KCNC2: variants seen among roughly 807,000 people sequenced by gnomAD.
KCNC2 encodes the protein potassium voltage-gated channel subfamily C member 2.
KCNC2 carries 21 observed loss-of-function variants against 44.5 expected under a neutral mutation model. That is an observed-to-expected ratio of 0.47 (90% CI 0.33 to 0.68). The LOEUF (loss-of-function observed/expected upper bound fraction) is 0.68, where lower values mean the gene tolerates loss of function less well. KCNC2 is among the 30% of genes least tolerant of loss of function. The pLI is 0.01. For synonymous variants in KCNC2, 391 were observed against 339.1 expected (o/e 1.15, Z -1.68); for missense variants, 589 against 826.2 (o/e 0.71, Z 3.52).
intron 3 of KCNC2, 36 bp from the exon 4 acceptor site, chr12:75,048,353 T>C (rs202029213): frequency 3.2e-6 from 5 of 1,569,228 alleles, no homozygotes; most frequent in Non-Finnish European, 4.3e-6. Context: ...CAGACAGTGA[T>C]GAATGAGGAA....
chr12:75,083,538 C>G (rs1884693607), intron 2 of KCNC2, among the ~76,000 whole-genome samples: 1 of 151,862 alleles, frequency 6.6e-6, no homozygotes, highest in Non-Finnish European at 1.5e-5. Context: ...GGCGTCAATC[C>G]TTAAAATGTT....
At chr12:75,180,377 ATG>A (rs1892495886) in intron 2 of KCNC2, among the ~76,000 whole-genome samples, 1 of 151,772 alleles carries the variant, frequency 6.6e-6, no homozygotes, top group Non-Finnish European at 1.5e-5. Context: ...TGTAAAAAGT[ATG>A]TCTTTTTATC....
chr12:75,050,154 A>T (rs1277900246), intron 3 of KCNC2, among the ~76,000 whole-genome samples: 1 of 151,892 alleles, frequency 6.6e-6, no homozygotes, highest in Non-Finnish European at 1.5e-5. Context: ...AGCAAAGGGC[A>T]TTCCCACTAA....
intron 2 of KCNC2, among the ~76,000 whole-genome samples, chr12:75,136,289 G>T (rs1369809462): frequency 6.6e-6 from 1 of 151,538 alleles, no homozygotes; most frequent in Non-Finnish European, 1.5e-5. Context: ...CTAGAAAAAC[G>T]AGAACAACCT....
chr12:75,088,150 T>C (rs1885179240), intron 2 of KCNC2, among the ~76,000 whole-genome samples: 1 of 152,040 alleles, frequency 6.6e-6, no homozygotes, highest in African/African-American at 2.4e-5. Context: ...TATTTTAGGG[T>C]AATTAGAAGG....
At chr12:75,106,456 A>C (rs1886790973) in intron 2 of KCNC2, among the ~76,000 whole-genome samples, 1 of 152,204 alleles carries the variant, frequency 6.6e-6, no homozygotes, top group African/African-American at 2.4e-5. Context: ...AGAGGGAATG[A>C]ATAACTGCTG....
chr12:75,158,250 A>G (rs1260163230), intron 2 of KCNC2, among the ~76,000 whole-genome samples: 1 of 151,970 alleles, frequency 6.6e-6, no homozygotes, highest in Non-Finnish European at 1.5e-5. Context: ...CATAAGCCAA[A>G]AAATGTTGTT....
chr12:75,142,437 G>T (rs1216302638), intron 2 of KCNC2, among the ~76,000 whole-genome samples: 1 of 152,180 alleles, frequency 6.6e-6, no homozygotes, highest in Non-Finnish European at 1.5e-5. Context: ...GCCCTCTTGA[G>T]TAAGTGGTGT....
At chr12:75,063,998 A>AT (rs1882585992) in intron 2 of KCNC2, among the ~76,000 whole-genome samples, 1 of 152,084 alleles carries the variant, frequency 6.6e-6, no homozygotes, top group South Asian at 2.1e-4. Context: ...AAATCAGGTA[A>AT]TTTTCCCTTT....
At chr12:75,146,254 T>A (rs1303923000) in intron 2 of KCNC2, among the ~76,000 whole-genome samples, 1 of 152,164 alleles carries the variant, frequency 6.6e-6, no homozygotes, top group East Asian at 1.9e-4. Context: ...CTGACTTTTA[T>A]TTTTCATCAG....
At chr12:75,139,505 T>C (rs1889487548) in intron 2 of KCNC2, among the ~76,000 whole-genome samples, 1 of 152,218 alleles carries the variant, frequency 6.6e-6, no homozygotes, top group Non-Finnish European at 1.5e-5. Flanking sequence ...GGATGAAATT[T>C]TCTTATGTGA....
chr12:75,044,942 T>A (rs569332718), intron 4 of KCNC2: 35 of 152,126 alleles, frequency 2.3e-4, no homozygotes, highest in African/African-American at 8.2e-4. Context: ...ATATCTGGAA[T>A]AATATTTAAG....
chr12:75,201,554 G>A (rs1286194659), intron 2 of KCNC2, among the ~76,000 whole-genome samples: 2 of 151,828 alleles, frequency 1.3e-5, no homozygotes, highest in African/African-American at 2.4e-5. Context: ...CACACAACTA[G>A]TGTTGAAATC....
intron 2 of KCNC2, among the ~76,000 whole-genome samples, chr12:75,122,309 A>G (rs1888101515): frequency 1.3e-5 from 2 of 152,378 alleles, no homozygotes; most frequent in South Asian, 4.1e-4. Context: ...ATGAGTAGGC[A>G]CTATAATTCC....
chr12:75,084,760 A>G lies in KCNC2; in HGVS notation c.688-33443T>C, dbSNP rs923658460. 4.6e-5 allele frequency among the ~76,000 whole-genome samples: 7 copies of G among 151,992 alleles called. No homozygotes were observed. In the South Asian group the frequency reaches 1.0e-3, roughly 22 times the overall value. On this transcript the variant is annotated intron_variant, in intron 2 of 4. Transcript: ENST00000549446. ...AAGACTGAAGTAATGGCCTTTAGAT[A>G]AAGGACTACAGACACCTAGAACATT...
chr12:75,095,407 A>T (rs1450873763), intron 2 of KCNC2, among the ~76,000 whole-genome samples: 1 of 151,536 alleles, frequency 6.6e-6, no homozygotes, highest in African/African-American at 2.4e-5. Flanking sequence ...CACATTTTGC[A>T]TTTTTCCCCG....
intron 2 of KCNC2, among the ~76,000 whole-genome samples, chr12:75,143,957 A>C (rs766581605): frequency 1.2e-4 from 19 of 152,226 alleles, no homozygotes; most frequent in Admixed American, 6.5e-5. Context: ...GATAATAAAA[A>C]TGATGCACAA....
chr12:75,041,577 A>G lies in KCNC2; in HGVS notation c.*1528T>C. The G allele has an allele frequency of 9.3e-7, 1 of 1,078,798 alleles. No individual in the cohort carries two copies. The highest frequency in any genetic ancestry group is 1.1e-6 in the Non-Finnish European group (1 of 883,828). 66.8% of individuals were successfully genotyped at this position (1,078,798 alleles called of 1,614,324 possible). A position where few individuals can be genotyped will look rare whatever the true frequency, so the allele number is the denominator to read the frequency against. On this transcript the variant is annotated 3_prime_UTR_variant, in exon 5 of 5. Coordinates refer to ENST00000549446, the MANE Select transcript of KCNC2 (RefSeq NM_139137.4). ...TCTTCCCTCACATGCTCAATACATG[A>G]GACACGCTATTGCTGTTGAATTCAT... is the stretch of plus-strand genomic sequence containing the variant.
At chr12:75,131,851 C>CT (rs1888869113) in intron 2 of KCNC2, among the ~76,000 whole-genome samples, 1 of 152,128 alleles carries the variant, frequency 6.6e-6, no homozygotes, top group Non-Finnish European at 1.5e-5. Flanking sequence ...AGGTGACACT[C>CT]TGATTTCAGC....
Sources: allele counts gnomAD v4.1 joint callset (sites outside exome capture counted in the v4.1 genomes callset), GRCh38; gene constraint gnomAD v4.1.1; transcripts MANE v1.5; gene names NCBI Gene and HGNC (gene_info 2026-07-23, HGNC 2026-07-21).